Variants in GRIK2 observed in about 807,000 individuals in gnomAD.
GRIK2 encodes the protein glutamate ionotropic receptor kainate type subunit 2.
GRIK2 carries 32 observed loss-of-function variants against 100.3 expected under a neutral mutation model. The observed-to-expected ratio is 0.32, with a 90% CI of 0.24 to 0.43. GRIK2 has a LOEUF of 0.43. Among genes scored for constraint, GRIK2 ranks in the 20% least tolerant of loss-of-function variants. The probability of loss-of-function intolerance (pLI) is 1.00; values close to 1 mark genes in which losing one functional copy is unlikely to be tolerated. For synonymous variants in GRIK2, 417 were observed against 389.4 expected (o/e 1.07, Z -0.83); for missense variants, 843 against 1,114.9 (o/e 0.76, Z 3.47).
chr6:101,595,029 A>G (rs995826004), intron 2 of GRIK2, among the ~76,000 whole-genome samples: 2 of 151,718 alleles, frequency 1.3e-5, no homozygotes, highest in South Asian at 4.2e-4. Flanking sequence ...ACAAATGAAT[A>G]AAAGAGGGAG....
chr6:101,830,404 C>T (rs970489447), intron 10 of GRIK2, among the ~76,000 whole-genome samples: 2 of 151,720 alleles, frequency 1.3e-5, no homozygotes, highest in African/African-American at 4.8e-5. Context: ...TGCAGCAAAA[C>T]CAAAAATTGA....
intron 2 of GRIK2, among the ~76,000 whole-genome samples, chr6:101,472,334 G>A (rs982353127): frequency 2.0e-4 from 30 of 151,530 alleles, no homozygotes; most frequent in Admixed American, 4.0e-4. Context: ...ATATAATACC[G>A]TTTGGGAAAA....
intron 4 of GRIK2, among the ~76,000 whole-genome samples, chr6:101,663,872 A>T (rs963984212): frequency 1.3e-5 from 2 of 152,286 alleles, no homozygotes; most frequent in Middle Eastern, 3.4e-3. Flanking sequence ...GTAGGCATCT[A>T]ACCTAACTGC....
At chr6:101,611,828 A>T (rs1400617090) in intron 2 of GRIK2, among the ~76,000 whole-genome samples, 1 of 151,832 alleles carries the variant, frequency 6.6e-6, no homozygotes, top group Non-Finnish European at 1.5e-5. Flanking sequence ...CACGGGTCAC[A>T]TGTATATATG....
chr6:101,531,592 C>T (rs567365838), intron 2 of GRIK2, among the ~76,000 whole-genome samples: 1 of 151,874 alleles, frequency 6.6e-6, no homozygotes, highest in South Asian at 2.1e-4. Flanking sequence ...TAACCTATTA[C>T]CAGAGACTTC....
At chr6:101,766,941 T>C (rs913270817) in intron 7 of GRIK2, among the ~76,000 whole-genome samples, 1 of 152,222 alleles carries the variant, frequency 6.6e-6, no homozygotes, top group South Asian at 2.1e-4. Context: ...TGTTTGTAGG[T>C]GTCCAAAGGG....
chr6:101,514,984 A>C (rs958180821), intron 2 of GRIK2, among the ~76,000 whole-genome samples: 1 of 151,992 alleles, frequency 6.6e-6, no homozygotes, highest in African/African-American at 2.4e-5. Flanking sequence ...GCAAGATTTT[A>C]GTGCACCCAT....
At chr6:102,058,476 T>C (rs1771577378) in intron 16 of GRIK2, among the ~76,000 whole-genome samples, 2 of 151,734 alleles carry the variant, frequency 1.3e-5, no homozygotes, top group Non-Finnish European at 3.0e-5. Flanking sequence ...TTCAAAATAG[T>C]AAATTAAATA....
At chr6:101,787,653 G>C (rs1779522622) in intron 7 of GRIK2, among the ~76,000 whole-genome samples, 1 of 151,900 alleles carries the variant, frequency 6.6e-6, no homozygotes, top group South Asian at 2.1e-4. Context: ...TGTTTATTGT[G>C]GTCTGATAAG....
chr6:101,692,914 TAATG>T (rs1042037613), intron 7 of GRIK2, among the ~76,000 whole-genome samples: 3 of 152,090 alleles, frequency 2.0e-5, no homozygotes, highest in African/African-American at 7.2e-5. Flanking sequence ...ATGCTTGATT[TAATG>T]AATGGTAAAA....
chr6:101,602,172 T>C (rs1045909579), intron 2 of GRIK2, among the ~76,000 whole-genome samples: 1 of 151,742 alleles, frequency 6.6e-6, no homozygotes, highest in African/African-American at 2.4e-5. Flanking sequence ...CTTAATTTTA[T>C]TGTTTATGCA....
In GRIK2 at chr6:101,739,774, T is replaced by C. The variant is rs1227263187; in HGVS notation, c.951+53421T>C. Among the ~76,000 whole-genome samples the C allele has an allele frequency of 4.6e-5, 7 of 152,282 alleles. No homozygotes were observed. The South Asian group carries it at 1.4e-3, about 32-fold the overall frequency. ...AACCTACTTAAAAATTGCAGGCCCC[T>C]GTGCTATCCTGGTAAATCTCCCTCC... On this transcript the variant is annotated intron_variant, in intron 7 of 16. Transcript: ENST00000369134.
chr6:101,799,277 T>TTGTG (rs58920833), intron 7 of GRIK2, among the ~76,000 whole-genome samples: 16,559 of 146,560 alleles, frequency 0.11, 1,830 homozygotes, highest in East Asian at 0.58. Context: ...AATGTACTCA[T>TTGTG]TGTGTGTGTG....
chr6:101,778,109 G>A (rs1284188726), intron 7 of GRIK2, among the ~76,000 whole-genome samples: 1 of 152,054 alleles, frequency 6.6e-6, no homozygotes, highest in Non-Finnish European at 1.5e-5. Flanking sequence ...ACTATGTGAG[G>A]TATTAAAAAG....
intron 14 of GRIK2, among the ~76,000 whole-genome samples, chr6:101,954,274 A>C (rs1399717773): frequency 6.6e-6 from 1 of 152,116 alleles, no homozygotes; most frequent in Middle Eastern, 3.2e-3. Context: ...AAAAAGCCAC[A>C]TGAGGTATTA....
At chr6:101,861,195 C>T (rs1397714266) in intron 11 of GRIK2, among the ~76,000 whole-genome samples, 2 of 152,088 alleles carry the variant, frequency 1.3e-5, no homozygotes, top group Admixed American at 6.6e-5. Context: ...TCTAACACAG[C>T]GTCTGACATA....
intron 4 of GRIK2, among the ~76,000 whole-genome samples, chr6:101,644,483 G>A (rs940144467): frequency 6.6e-6 from 1 of 151,662 alleles, no homozygotes; most frequent in Non-Finnish European, 1.5e-5. Flanking sequence ...GAAAATCAGA[G>A]CATATAACCA....
At chr6:102,023,387 T>C (rs1341761162) in intron 14 of GRIK2, among the ~76,000 whole-genome samples, 1 of 151,386 alleles carries the variant, frequency 6.6e-6, no homozygotes, top group Non-Finnish European at 1.5e-5. Flanking sequence ...GTAAGTAATG[T>C]AAGAATGTGA....
chr6:101,409,012 A>G (rs1775737974), intron 2 of GRIK2, among the ~76,000 whole-genome samples: 1 of 152,066 alleles, frequency 6.6e-6, no homozygotes, highest in Admixed American at 6.6e-5. Flanking sequence ...TACAAGTACT[A>G]TATACATCTT....
Sources: allele counts gnomAD v4.1 joint callset (sites outside exome capture counted in the v4.1 genomes callset), GRCh38; gene constraint gnomAD v4.1.1; transcripts MANE v1.5; gene names NCBI Gene and HGNC (gene_info 2026-07-23, HGNC 2026-07-21).